The following CLASRP variants were observed in gnomAD, a reference collection of about 807,000 sequenced individuals.
CLASRP encodes CLK4-associating serine/arginine rich protein.
In CLASRP, 52 loss-of-function variants were observed where a neutral mutation model predicts 99.9. The ratio of observed to expected loss-of-function variants is 0.52; its 90% CI spans 0.42 to 0.66. The LOEUF (loss-of-function observed/expected upper bound fraction) is 0.66, where lower values mean the gene tolerates loss of function less well. Among genes scored for constraint, CLASRP ranks in the 30% least tolerant of loss-of-function variants. CLASRP has a pLI of 0.00. For missense variants in CLASRP, 848 were observed against 999.2 expected (o/e 0.85, Z 2.04); for synonymous variants, 379 against 373.0 (o/e 1.02, Z -0.18).
intron 20 of CLASRP, 28 bp downstream of exon 20, chr19:45,070,589 C>A: frequency 6.2e-7 from 1 of 1,604,190 alleles, no homozygotes; most frequent in Non-Finnish European, 8.5e-7. Context: ...CCTCCACTTT[C>A]TTGGAAGTAA....
Position 45,070,901 on chromosome 19 carries a change from A to G in CLASRP, c.*56A>G. On this transcript the variant is annotated 3_prime_UTR_variant, in exon 21 of 21. Transcript: ENST00000221455. ...GGGTGGGTAAGGGGCTCAAGCTGTG[A>G]TGCTGCTGGTTTTATCTCTAGTGAA... 1.9e-6 allele frequency: 2 copies of G among 1,072,404 alleles called. No individual in the cohort carries two copies. Among genetic ancestry groups the G allele is most frequent in the Non-Finnish European group, 2.8e-6 (2 of 715,996 alleles). The allele number at this position is 1,072,404 out of a possible 1,614,324, so 66.4% of individuals were successfully genotyped here. A position where few individuals can be genotyped will look rare whatever the true frequency, so the allele number is the denominator to read the frequency against.
At chr19:45,063,320 T>G (rs1291585904) in intron 11 of CLASRP, among the ~76,000 whole-genome samples, 1 of 151,842 alleles carries the variant, frequency 6.6e-6, no homozygotes, top group African/African-American at 2.4e-5. Flanking sequence ...TTGTTTTTAT[T>G]TTACTAAAAT....
chr19:45,053,686 G>T (rs1395894237), intron 5 of CLASRP, among the ~76,000 whole-genome samples: 3 of 152,096 alleles, frequency 2.0e-5, no homozygotes, highest in Non-Finnish European at 4.4e-5. Flanking sequence ...CGCCATATTG[G>T]CCAGGCTGGT....
rs776679464 is a variant in CLASRP, at chr19:45,064,232, G to A, written c.1121+5G>A. 3 of 1,582,868 alleles carry A rather than the reference G, an allele frequency of 1.9e-6. No homozygotes were observed. In the African/African-American group the frequency reaches 4.0e-5, roughly 21 times the overall value. On this transcript the variant is annotated splice_donor_5th_base_variant and intron_variant, in intron 12 of 20. Coordinates refer to ENST00000221455, the MANE Select transcript of CLASRP (RefSeq NM_007056.3). ...GGGACGTAATGCCAGCGCCCGGTCG[G>A]TAACGCTCACGCCGCCCGCCCTACG...
At chr19:45,063,022 G>C in intron 11 of CLASRP, among the ~76,000 whole-genome samples, 1 of 152,172 alleles carries the variant, frequency 6.6e-6, no homozygotes, top group East Asian at 1.9e-4. Flanking sequence ...TCCTCATGGG[G>C]CTGTGGGTCG....
chr19:45,044,068 G>A (rs1971867427), intron 2 of CLASRP, among the ~76,000 whole-genome samples: 1 of 152,158 alleles, frequency 6.6e-6, no homozygotes, highest in Non-Finnish European at 1.5e-5. Flanking sequence ...TTTTAGTAGA[G>A]ACAGGGTTTC....
chr19:45,048,318 C>T (rs1185929325), intron 2 of CLASRP, among the ~76,000 whole-genome samples: 1 of 147,962 alleles, frequency 6.8e-6, no homozygotes, highest in Non-Finnish European at 1.5e-5. Flanking sequence ...GGGTGGATCA[C>T]GAGGTCAGGA....
At position 45,069,929 on chromosome 19, in the gene CLASRP, T is replaced by C. The variant is rs1967195322; in HGVS notation, c.1875-93T>C. On this transcript the variant is annotated intron_variant, in intron 18 of 20. Coordinates refer to ENST00000221455, the MANE Select transcript of CLASRP (RefSeq NM_007056.3). Reference sequence around the variant, plus strand: ...CAGTACCGGCCCCCTTGGTTTACTGTCTTCCTCGGAGTAGGGTGTTGGAAG... The same window carrying C: ...CAGTACCGGCCCCCTTGGTTTACTGCCTTCCTCGGAGTAGGGTGTTGGAAG... 8.1e-6 allele frequency: 6 copies of C among 744,768 alleles called. No homozygotes were observed. In the East Asian group the frequency reaches 1.5e-4, roughly 19 times the overall value. The allele number at this position is 744,768 out of a possible 1,614,324, so 46.1% of individuals were successfully genotyped here.
chr19:45,069,557 C>T (rs751272047), intron 18 of CLASRP: 6 of 544,734 alleles, frequency 1.1e-5, no homozygotes, highest in Admixed American at 3.2e-5. Context: ...ACTCACCCAC[C>T]GCCATGGGTC....
At chr19:45,066,035 C>T (rs993380877) in intron 13 of CLASRP, among the ~76,000 whole-genome samples, 3 of 152,144 alleles carry the variant, frequency 2.0e-5, no homozygotes, top group Non-Finnish European at 4.4e-5. Flanking sequence ...GGGCGTTGAC[C>T]GCTCAGCAGC....
Position 45,063,527 on chromosome 19 carries a change from C to T in CLASRP, c.906-485C>T, listed in dbSNP as rs183206580. On this transcript the variant is annotated intron_variant, in intron 11 of 20. Coordinates refer to ENST00000221455, the MANE Select transcript of CLASRP (RefSeq NM_007056.3). ...GTGGCGTGACCTGGACTCACTGCAACCTCTGCCTCCCAGGTTCAAGCAGTT... is the reference window on the plus strand; with the variant it reads ...GTGGCGTGACCTGGACTCACTGCAATCTCTGCCTCCCAGGTTCAAGCAGTT... 1.5e-3 allele frequency among the ~76,000 whole-genome samples: 207 copies of T among 142,604 alleles called. 1 individual carries two copies. In the South Asian group the frequency reaches 0.026, roughly 18 times the overall value. The allele number at this position is 142,604 out of a possible 152,430, so 93.6% of individuals were successfully genotyped here. A position where few individuals can be genotyped will look rare whatever the true frequency, so the allele number is the denominator to read the frequency against.
At chr19:45,041,451 C>G (rs1490912626) in intron 2 of CLASRP, among the ~76,000 whole-genome samples, 2 of 152,148 alleles carry the variant, frequency 1.3e-5, no homozygotes, top group African/African-American at 4.8e-5. Context: ...ATTACCCCCC[C>G]TCACCTATTT....
At chr19:45,042,529 G>A (rs926010967) in intron 2 of CLASRP, among the ~76,000 whole-genome samples, 20 of 150,002 alleles carry the variant, frequency 1.3e-4, no homozygotes, top group African/African-American at 2.0e-4. Context: ...ATATATATAT[G>A]TGTGTGTATG....
chr19:45,069,362 G>C, intron 18 of CLASRP, 114 bp downstream of exon 18: 1 of 1,064,564 alleles, frequency 9.4e-7, no homozygotes, highest in Non-Finnish European at 1.4e-6. Flanking sequence ...ATGAAAGGCA[G>C]AGATCCCTGC....
chr19:45,042,176 T>C (rs11665731), intron 2 of CLASRP, among the ~76,000 whole-genome samples: 69,316 of 151,982 alleles, frequency 0.46, 16,195 homozygotes, highest in Non-Finnish European at 0.52. Context: ...ACCTCGTCTC[T>C]ACTAAAAATA....
chr19:45,052,525 C>T (rs960945092), intron 3 of CLASRP, among the ~76,000 whole-genome samples: 7 of 152,114 alleles, frequency 4.6e-5, no homozygotes, highest in Non-Finnish European at 7.4e-5. Flanking sequence ...CCCACTATTG[C>T]TTGGTTGTGA....
intron 2 of CLASRP, among the ~76,000 whole-genome samples, chr19:45,046,649 T>C (rs1378933705): frequency 6.6e-6 from 1 of 152,098 alleles, no homozygotes; most frequent in African/African-American, 2.4e-5. Context: ...TGCTTAACAG[T>C]TGAATGAATG....
chr19:45,054,311 G>A (rs999086230), intron 5 of CLASRP, among the ~76,000 whole-genome samples: 15 of 152,084 alleles, frequency 9.9e-5, no homozygotes, highest in Non-Finnish European at 1.6e-4. Context: ...ATGCAGTGGC[G>A]CAATCTCAGC....
chr19:45,058,015 G>A (rs1972154351), intron 7 of CLASRP, 117 bp downstream of exon 7: 11 of 1,334,164 alleles, frequency 8.2e-6, no homozygotes, highest in South Asian at 2.7e-5. Context: ...TCCCTACCCC[G>A]CCCCAGGGCA....
Sources: gnomAD v4.1 joint callset for allele counts (sites outside exome capture counted in the v4.1 genomes callset) on GRCh38, gnomAD v4.1.1 for gene constraint, MANE v1.5 for transcripts, NCBI Gene and HGNC (gene_info 2026-07-23, HGNC 2026-07-21) for gene names.